GLI2: variants seen among roughly 807,000 people sequenced by gnomAD.
GLI2 encodes the protein transcription activator GLI2.
Under a neutral mutation model 78.9 loss-of-function variants are expected in GLI2, and 22 were observed. The observed-to-expected ratio is 0.28, with a 90% CI of 0.20 to 0.40. The LOEUF is 0.40. Ranked by LOEUF, GLI2 falls within the 10% of genes least tolerant of loss-of-function variation. The pLI, the probability that GLI2 is intolerant of heterozygous loss-of-function variation, is 1.00. For missense variants in GLI2, 2,097 were observed against 2,213.2 expected (o/e 0.95, Z 1.05); for synonymous variants, 974 against 963.7 (o/e 1.01, Z -0.20).
intron 2 of GLI2, among the ~76,000 whole-genome samples, chr2:120,853,732 G>A (rs2104616243): frequency 6.6e-6 from 1 of 152,310 alleles, no homozygotes; most frequent in South Asian, 2.1e-4. Context: ...CATGTGTTGA[G>A]CCTCTCTCCT....
chr2:120,852,323 C>A (rs1687443709), intron 2 of GLI2, among the ~76,000 whole-genome samples: 1 of 152,184 alleles, frequency 6.6e-6, no homozygotes, highest in Admixed American at 6.5e-5. Flanking sequence ...CGGGGCTCCT[C>A]CTGAGCTCCA....
chr2:120,949,506 G>A (rs546505831), intron 3 of GLI2, among the ~76,000 whole-genome samples: 2 of 152,386 alleles, frequency 1.3e-5, no homozygotes, highest in Admixed American at 1.3e-4. Context: ...CTGTCAGCTT[G>A]AGCCTGGAAC....
chr2:120,759,655 TG>T (rs1319934816), intron 1 of GLI2, among the ~76,000 whole-genome samples: 1 of 152,190 alleles, frequency 6.6e-6, no homozygotes, highest in East Asian at 1.9e-4. Flanking sequence ...CTAGTCCTTT[TG>T]GGTTTTTATG....
chr2:120,987,924 CT>C (rs1683054387), intron 13 of GLI2, among the ~76,000 whole-genome samples: 1 of 152,174 alleles, frequency 6.6e-6, no homozygotes, highest in Non-Finnish European at 1.5e-5. Context: ...TTTCCTTCCC[CT>C]TTTTAATTGA....
intron 1 of GLI2, among the ~76,000 whole-genome samples, chr2:120,782,666 T>C (rs770566729): frequency 6.6e-6 from 1 of 152,214 alleles, no homozygotes; most frequent in Admixed American, 6.5e-5. Context: ...TGAGGGTTTC[T>C]CAACTTTGGC....
rs57986455 is a variant in GLI2, at chr2:120,777,488, G to T, written c.-30-19803G>T. ...GTGGATATGCTGACCTGACATGTGT[G>T]CCCACACAGCCTGGGGAGGAGCGCG... On this transcript the variant is annotated intron_variant, in intron 1 of 13. Coordinates refer to ENST00000361492, the MANE Select transcript of GLI2 (RefSeq NM_001374353.1). Among the ~76,000 whole-genome samples the T allele has an allele frequency of 8.8e-3, 1,345 of 152,004 alleles. 16 individuals are homozygous for T. Among genetic ancestry groups the T allele is most frequent in the African/African-American group, 0.031 (1,278 of 41,416 alleles).
chr2:120,954,517 C>T lies in GLI2; in HGVS notation c.458-728C>T, dbSNP rs73949995. ...TTGTCGAGACTGCTAACAGAGAGGCCGTAGTGCACAGTGGCTAGGAGCTTG... is the reference window on the plus strand; with the variant it reads ...TTGTCGAGACTGCTAACAGAGAGGCTGTAGTGCACAGTGGCTAGGAGCTTG... On this transcript the variant is annotated intron_variant, in intron 4 of 13. Transcript: ENST00000361492. 3.7e-3 allele frequency among the ~76,000 whole-genome samples: 563 copies of T among 152,224 alleles called. 3 individuals carry two copies. Among genetic ancestry groups the T allele is most frequent in the African/African-American group, 0.013 (542 of 41,534 alleles).
At chr2:120,859,447 C>T (rs1687804086) in intron 2 of GLI2, among the ~76,000 whole-genome samples, 1 of 139,546 alleles carries the variant, frequency 7.2e-6, no homozygotes, top group Non-Finnish European at 1.5e-5. Flanking sequence ...TACAGATACT[C>T]CCTCCTTTTT....
chr2:120,919,870 G>A (rs1307640073), intron 2 of GLI2, among the ~76,000 whole-genome samples: 1 of 152,234 alleles, frequency 6.6e-6, no homozygotes, highest in Non-Finnish European at 1.5e-5. Context: ...GAAGGATGGG[G>A]ATCCAGGCCC....
chr2:120,780,475 T>C (rs972784082), intron 1 of GLI2, among the ~76,000 whole-genome samples: 2 of 152,188 alleles, frequency 1.3e-5, no homozygotes, highest in Non-Finnish European at 2.9e-5. Flanking sequence ...TCAGCACAGC[T>C]CCAGGCAGAA....
chr2:120,809,962 G>C (rs1003778904), intron 2 of GLI2, among the ~76,000 whole-genome samples: 1 of 152,200 alleles, frequency 6.6e-6, no homozygotes, highest in East Asian at 1.9e-4. Flanking sequence ...AGTGGTGGGG[G>C]CTGCGGTCAG....
intron 1 of GLI2, among the ~76,000 whole-genome samples, chr2:120,790,002 G>T (rs2104682208): frequency 6.6e-6 from 1 of 152,350 alleles, no homozygotes; most frequent in Non-Finnish European, 1.5e-5. Context: ...CTCTAGTCAT[G>T]GGGCTCCCGG....
chr2:120,874,564 C>T (rs772822100), intron 2 of GLI2, among the ~76,000 whole-genome samples: 12 of 152,116 alleles, frequency 7.9e-5, no homozygotes, highest in East Asian at 1.9e-4. Flanking sequence ...GACAGGCCGG[C>T]GTTGAATGTC....
chr2:120,823,076 C>G (rs1573433770), intron 2 of GLI2, among the ~76,000 whole-genome samples: 1 of 20 alleles, frequency 0.05, no homozygotes, highest in South Asian at 0.5. Context: ...CTCCCACCCC[C>G]TGCACCCCCC....
chr2:120,841,815 T>C (rs1445242513), intron 2 of GLI2, among the ~76,000 whole-genome samples: 3 of 147,356 alleles, frequency 2.0e-5, no homozygotes, highest in Non-Finnish European at 4.5e-5. Context: ...GGTTCCCCAG[T>C]TGGGAGGAGG....
chr2:120,848,521 G>A (rs1003446165), intron 2 of GLI2, among the ~76,000 whole-genome samples: 2 of 152,160 alleles, frequency 1.3e-5, no homozygotes, highest in South Asian at 4.1e-4. Flanking sequence ...TGAAAACTTA[G>A]GTCTGTTTTT....
chr2:120,970,318 C>G (rs1682077889), intron 6 of GLI2, 75 bp from the exon 7 acceptor site: 1 of 818,086 alleles, frequency 1.2e-6, no homozygotes. Flanking sequence ...GCAAGGTTCT[C>G]TCTGTCCAGG....
intron 3 of GLI2, among the ~76,000 whole-genome samples, chr2:120,930,201 C>CACTTCCTA (rs778016122): frequency 1.3e-5 from 2 of 152,190 alleles, no homozygotes; most frequent in Non-Finnish European, 2.9e-5. Flanking sequence ...TGTAGAGGCA[C>CACTTCCTA]CACCAGAAGT....
chr2:120,883,209 G>A (rs533916728), intron 2 of GLI2, among the ~76,000 whole-genome samples: 5 of 152,248 alleles, frequency 3.3e-5, no homozygotes, highest in African/African-American at 1.2e-4. Flanking sequence ...AACCTTGGCC[G>A]GGCTGGTGGC....
Sources: gnomAD v4.1 joint callset for allele counts (sites outside exome capture counted in the v4.1 genomes callset) on GRCh38, gnomAD v4.1.1 for gene constraint, MANE v1.5 for transcripts, NCBI Gene and HGNC (gene_info 2026-07-23, HGNC 2026-07-21) for gene names.